The following CWH43 variants were observed in gnomAD, a reference collection of about 807,000 sequenced individuals.
CWH43 encodes the protein PGAP2-interacting protein.
A neutral mutation model predicts 85.7 loss-of-function variants in CWH43; 91 were observed. The observed-to-expected ratio is 1.06, with a 90% CI of 0.90 to 1.26. The LOEUF (loss-of-function observed/expected upper bound fraction) is 1.26, where lower values mean the gene tolerates loss of function less well. CWH43 is among the 50% of genes most tolerant of loss of function. The pLI, the probability that CWH43 is intolerant of heterozygous loss-of-function variation, is 0.00. For synonymous variants in CWH43, 323 were observed against 293.6 expected (o/e 1.10, Z -1.02); for missense variants, 869 against 839.2 (o/e 1.04, Z -0.44).
At chr4:49,057,195 T>C (rs906164113) in intron 15 of CWH43, among the ~76,000 whole-genome samples, 1 of 152,222 alleles carries the variant, frequency 6.6e-6, no homozygotes, top group African/African-American at 2.4e-5. Context: ...CAGGAGGTCC[T>C]GACGACATGT....
intron 14 of CWH43, among the ~76,000 whole-genome samples, chr4:49,046,570 T>TG (rs1784630142): frequency 6.6e-6 from 1 of 151,812 alleles, no homozygotes; most frequent in South Asian, 2.1e-4. Context: ...GGGGTGGCTG[T>TG]GGTAGGTTAT....
At chr4:48,993,516 A>C (rs990100974) in intron 4 of CWH43, among the ~76,000 whole-genome samples, 12 of 152,150 alleles carry the variant, frequency 7.9e-5, no homozygotes, top group African/African-American at 2.9e-4. Context: ...TGTCCTGTAG[A>C]GGGCTGGATG....
intron 13 of CWH43, among the ~76,000 whole-genome samples, chr4:49,041,640 T>C (rs1346571285): frequency 2.0e-5 from 3 of 152,208 alleles, no homozygotes; most frequent in Non-Finnish European, 4.4e-5. Flanking sequence ...TAAGGAGATG[T>C]ATTTCTTTAT....
chr4:49,015,179 C>T (rs1783504130), intron 8 of CWH43, among the ~76,000 whole-genome samples: 1 of 151,788 alleles, frequency 6.6e-6, no homozygotes, highest in African/African-American at 2.4e-5. Context: ...CTAATGTGAT[C>T]ATCTTACTTT....
intron 7 of CWH43, among the ~76,000 whole-genome samples, chr4:49,006,256 G>GC (rs1553913497): frequency 7.1e-4 from 106 of 149,248 alleles, no homozygotes; most frequent in Admixed American, 1.9e-3. Flanking sequence ...TGAACGATGA[G>GC]TTTTTTTTTT....
intron 13 of CWH43, among the ~76,000 whole-genome samples, chr4:49,042,287 A>T (rs758807857): frequency 6.6e-6 from 1 of 152,194 alleles, no homozygotes; most frequent in Non-Finnish European, 1.5e-5. Flanking sequence ...GATTTCCAAT[A>T]GTGAGTATCC....
chr4:49,043,641 A>G (rs966548820), intron 13 of CWH43, among the ~76,000 whole-genome samples: 2 of 152,130 alleles, frequency 1.3e-5, no homozygotes, highest in Admixed American at 1.3e-4. Flanking sequence ...CAGTCTTAAA[A>G]CTTTATAGCA....
chr4:49,050,326 A>T (rs1784753677), intron 14 of CWH43, among the ~76,000 whole-genome samples: 1 of 152,154 alleles, frequency 6.6e-6, no homozygotes, highest in African/African-American at 2.4e-5. Context: ...TGGCATTTGG[A>T]TTTTTAAAGG....
At chr4:49,039,365 T>A (rs1394489487) in intron 13 of CWH43, among the ~76,000 whole-genome samples, 6 of 66,788 alleles carry the variant, frequency 9.0e-5, no homozygotes, top group East Asian at 3.5e-4. Context: ...ATATATATAC[T>A]GATGTATATA....
Sources: allele counts gnomAD v4.1 joint callset (sites outside exome capture counted in the v4.1 genomes callset), GRCh38; gene constraint gnomAD v4.1.1; transcripts MANE v1.5; gene names NCBI Gene and HGNC (gene_info 2026-07-23, HGNC 2026-07-21).